Variants in GGT1 observed in about 807,000 individuals in gnomAD.
GGT1 encodes the protein gamma-glutamyltransferase 1, also known as glutathione hydrolase 1 proenzyme.
GGT1 carries 21 observed loss-of-function variants against 56.0 expected under a neutral mutation model. The observed-to-expected ratio is 0.38, with a 90% CI of 0.27 to 0.54. The LOEUF (loss-of-function observed/expected upper bound fraction) is 0.54. Among genes scored for constraint, GGT1 ranks in the 20% least tolerant of loss-of-function variants. The pLI, the probability that GGT1 is intolerant of heterozygous loss-of-function variation, is 0.82. For missense variants in GGT1, 466 were observed against 787.0 expected (o/e 0.59, Z 4.88); for synonymous variants, 238 against 342.6 (o/e 0.69, Z 3.37).
chr22:24,616,017 G>A (rs1424105239), intron 7 of GGT1: 2 of 152,204 alleles, frequency 1.3e-5, no homozygotes, highest in Non-Finnish European at 2.9e-5. Context: ...GGGAGGCTAA[G>A]GTGGGAGGAT....
chr22:24,602,740 T>C (rs2073397), upstream of GGT1, among the ~76,000 whole-genome samples: 76,669 of 151,870 alleles, frequency 0.5, 22,397 homozygotes, highest in African/African-American at 0.82. Flanking sequence ...CCACCTGTAG[T>C]CCTGCAAGCT....
chr22:24,595,293 G>A (rs1319656258), intron 1 of GGT1, among the ~76,000 whole-genome samples: 1 of 152,188 alleles, frequency 6.6e-6, no homozygotes, highest in Non-Finnish European at 1.5e-5. Context: ...GGGCGAGTGG[G>A]CTTTTGGAGA....
the GGT1 span, chr22:24,588,402 C>G: frequency 9.9e-4 from 1,179 of 1,188,408 alleles, 9 homozygotes; most frequent in African/African-American, 0.016. Flanking sequence ...GGAGAGGGAC[C>G]CAGGCAGCCA....
upstream of GGT1, among the ~76,000 whole-genome samples, chr22:24,590,753 G>A (rs1386515342): frequency 6.6e-6 from 1 of 152,094 alleles, no homozygotes; most frequent in Non-Finnish European, 1.5e-5. Flanking sequence ...TCTCTCAGAT[G>A]TCTCAAAGGC....
At chr22:24,613,775 A>G (rs2046867878) in intron 5 of GGT1, among the ~76,000 whole-genome samples, 1 of 149,584 alleles carries the variant, frequency 6.7e-6, no homozygotes, top group Non-Finnish European at 1.5e-5. Flanking sequence ...AAGAAAAGAA[A>G]AGAAAAAGAG....
chr22:24,589,115 A>G, the GGT1 span: 3 of 1,102,438 alleles, frequency 2.7e-6, no homozygotes, highest in South Asian at 6.3e-5. Flanking sequence ...CAGAGCTGGC[A>G]GGGCCCAGAG....
intron 7 of GGT1, among the ~76,000 whole-genome samples, chr22:24,619,863 A>T (rs3865655): frequency 6.6e-6 from 1 of 151,064 alleles, no homozygotes; most frequent in Non-Finnish European, 1.5e-5. Context: ...TTAGACATGC[A>T]GGCACCTGCA....
At chr22:24,584,886 G>A in the GGT1 span, among the ~76,000 whole-genome samples, 2 of 151,964 alleles carry the variant, frequency 1.3e-5, no homozygotes, top group Admixed American at 6.6e-5. Flanking sequence ...TGTGGCATTA[G>A]GCTTCTGGCT....
At chr22:24,621,822 G>A (rs576886634) in intron 9 of GGT1, among the ~76,000 whole-genome samples, 7 of 151,606 alleles carry the variant, frequency 4.6e-5, no homozygotes, top group South Asian at 2.1e-4. Flanking sequence ...AGGCCGAGGC[G>A]GGTGGATCAC....
chr22:24,592,582 C>A, upstream of GGT1: 1 of 483,828 alleles, frequency 2.1e-6, no homozygotes. Context: ...CAACCCCTCT[C>A]AAACCCCAAA....
chr22:24,598,646 C>T (rs1000491186), upstream of GGT1, among the ~76,000 whole-genome samples: 1 of 152,060 alleles, frequency 6.6e-6, no homozygotes, highest in African/African-American at 2.4e-5. Context: ...CTCTGCCTCC[C>T]GTGCTCAAGT....
At chr22:24,621,723 C>T (rs550574801) in intron 9 of GGT1, among the ~76,000 whole-genome samples, 3 of 152,148 alleles carry the variant, frequency 2.0e-5, no homozygotes, top group Non-Finnish European at 4.4e-5. Context: ...AGAGGCCAAG[C>T]GGCAGGGAGA....
intron 5 of GGT1, among the ~76,000 whole-genome samples, chr22:24,612,431 A>G (rs556952579): frequency 1.5e-4 from 23 of 151,248 alleles, no homozygotes; most frequent in African/African-American, 5.3e-4. Context: ...ATTTAGCATT[A>G]GGTATATCTC....
chr22:24,613,653 G>A (rs1342181550), intron 5 of GGT1, among the ~76,000 whole-genome samples: 1 of 151,944 alleles, frequency 6.6e-6, no homozygotes, highest in African/African-American at 2.4e-5. Flanking sequence ...AGGAGGCTGA[G>A]GCAGGGGAAT....
intron 11 of GGT1, among the ~76,000 whole-genome samples, chr22:24,625,798 G>A (rs958920418): frequency 2.0e-5 from 3 of 151,204 alleles, no homozygotes; most frequent in South Asian, 2.1e-4. Context: ...CAAAGTGCTG[G>A]GATTACAGGC....
At chr22:24,598,010 A>G (rs2045723453) in intron 1 of GGT1, 1 of 152,230 alleles carries the variant, frequency 6.6e-6, no homozygotes, top group Non-Finnish European at 1.5e-5. Context: ...TTTGGGTTCA[A>G]TTAATTTGCT....
chr22:24,601,220 G>T (rs906781955), upstream of GGT1, among the ~76,000 whole-genome samples: 26 of 152,196 alleles, frequency 1.7e-4, no homozygotes, highest in African/African-American at 5.6e-4. Flanking sequence ...GATCCGCATT[G>T]TTCGATCATT....
intron 5 of GGT1, among the ~76,000 whole-genome samples, chr22:24,611,547 T>TATC (rs1555899447): frequency 0.05 from 1,034 of 20,838 alleles, 6 homozygotes; most frequent in South Asian, 0.084. Flanking sequence ...ATCTATCATC[T>TATC]ATCTATCTAT....
At chr22:24,585,869 G>A in the GGT1 span, 5 of 1,558,626 alleles carry the variant, frequency 3.2e-6, no homozygotes, top group Non-Finnish European at 3.5e-6. Flanking sequence ...GTAGCAATGA[G>A]CCAGGTGGGT....
Sources: gnomAD v4.1 joint callset for allele counts (sites outside exome capture counted in the v4.1 genomes callset) on GRCh38, gnomAD v4.1.1 for gene constraint, MANE v1.5 for transcripts, NCBI Gene and HGNC (gene_info 2026-07-23, HGNC 2026-07-21) for gene names.